Variants in XPO7 observed in about 807,000 individuals in gnomAD.
XPO7 encodes exportin-7.
In XPO7, 21 loss-of-function variants were observed where a neutral mutation model predicts 144.3. The observed-to-expected ratio is 0.15, with a 90% CI of 0.10 to 0.21. The LOEUF (loss-of-function observed/expected upper bound fraction) is 0.21, where lower values mean the gene tolerates loss of function less well. Ranked by LOEUF, XPO7 falls within the 10% of genes least tolerant of loss-of-function variation. The pLI is 1.00. For synonymous variants in XPO7, 580 were observed against 499.6 expected, an observed-to-expected ratio of 1.16 and a Z score of -2.15; for missense variants, 808 against 1,325.8, an observed-to-expected ratio of 0.61 and a Z score of 6.06.
Position 21,945,055 on chromosome 8 carries a change from A to G in XPO7, c.19-21802A>G, listed in dbSNP as rs187700335. On this transcript the variant is annotated intron_variant, in intron 1 of 27. Coordinates refer to ENST00000252512, the MANE Select transcript of XPO7 (RefSeq NM_015024.5). ...TCTGATCTCTCTTTATTTTCCCCAC[A>G]TTTCCCCCTTTTCTATTCGACAAAA... 2.8e-3 allele frequency among the ~76,000 whole-genome samples: 423 copies of G among 152,178 alleles called. 3 individuals carry two copies. Among genetic ancestry groups the G allele is most frequent in the Admixed American group, 0.018 (273 of 15,290 alleles).
chr8:21,998,637 A>C, intron 21 of XPO7, 118 bp from the exon 22 acceptor site: 1 of 734,722 alleles, frequency 1.4e-6, no homozygotes, highest in Non-Finnish European at 2.3e-6. Flanking sequence ...TAGGATAGGC[A>C]ATTGCTTACC....
Position 21,970,174 on chromosome 8 carries a change from G to A in XPO7, c.290G>A (p.Arg97Gln), listed in dbSNP as rs1295734238. 6.8e-6 allele frequency: 11 copies of A among 1,612,796 alleles called. No individual in the cohort carries two copies. The highest frequency in any genetic ancestry group is 2.2e-5 in the East Asian group (1 of 44,818). Residue 97 changes from arginine to glutamine, a missense_variant, in exon 4 of 28, where the codon CGG becomes CAG. This residue lies in a region of XPO7 where 223 missense variants were observed against 368.8 expected (regional missense o/e 0.60). Transcript: ENST00000252512. ...TATGTGCTCAACTACCTTGCCACTC[G>A]GCCGAAGTTGGCTACTTTCGTGACA... ...RNYVLNYLAT[R>Q]PKLATFVTQA... is the part of the protein sequence containing the mutation.
intron 1 of XPO7, among the ~76,000 whole-genome samples, chr8:21,958,423 A>G (rs989835433): frequency 1.3e-5 from 2 of 152,210 alleles, no homozygotes; most frequent in Non-Finnish European, 2.9e-5. Flanking sequence ...ATTAGCGTTA[A>G]ACTAATGGCC....
At chr8:21,945,934 A>G (rs1236388683) in intron 1 of XPO7, among the ~76,000 whole-genome samples, 4 of 152,204 alleles carry the variant, frequency 2.6e-5, no homozygotes, top group African/African-American at 7.2e-5. Flanking sequence ...TCAAATGCCA[A>G]CATGAAACCC....
chr8:21,958,289 A>G lies in XPO7; in HGVS notation c.19-8568A>G, dbSNP rs150004020. 4.3e-3 allele frequency among the ~76,000 whole-genome samples: 658 copies of G among 152,074 alleles called. 4 individuals carry two copies. Among genetic ancestry groups the G allele is most frequent in the African/African-American group, 0.015 (634 of 41,486 alleles). On this transcript the variant is annotated intron_variant, in intron 1 of 27. Transcript: ENST00000252512. ...TAGCAAATACTGACCCATTGCTCCT[A>G]GGGGAAGTATAGGGTTAGATTCAGG... is the stretch of plus-strand genomic sequence containing the variant.
intron 19 of XPO7, 77 bp downstream of exon 19, chr8:21,992,051 T>A: frequency 8.8e-7 from 1 of 1,136,134 alleles, no homozygotes; most frequent in Non-Finnish European, 1.3e-6. Context: ...TGCTTGACTG[T>A]AAACTATCCA....
At chr8:21,934,402 G>T (rs957524226) in intron 1 of XPO7, among the ~76,000 whole-genome samples, 1 of 151,978 alleles carries the variant, frequency 6.6e-6, no homozygotes, top group East Asian at 1.9e-4. Flanking sequence ...GCGTGGTGGC[G>T]CATGCCTGTA....
In XPO7 at chr8:21,960,108, G is replaced by A. The variant is rs1282382750; in HGVS notation, c.19-6749G>A. 2.6e-5 allele frequency among the ~76,000 whole-genome samples: 4 copies of A among 152,206 alleles called. No individual in the cohort carries two copies. In the East Asian group the frequency reaches 7.7e-4, roughly 29 times the overall value. On this transcript the variant is annotated intron_variant, in intron 1 of 27. Transcript: ENST00000252512. Reference sequence around the variant, plus strand: ...ACAGCTGTCTACAGAGGAGCCGTGGGGAACTGGAGAGAGCCTGCCCAGGAA... The same window carrying A: ...ACAGCTGTCTACAGAGGAGCCGTGGAGAACTGGAGAGAGCCTGCCCAGGAA...
rs542141959 is a variant in XPO7, at chr8:21,939,718, A to G, written c.18+19930A>G. On this transcript the variant is annotated intron_variant, in intron 1 of 27. Coordinates refer to ENST00000252512, the MANE Select transcript of XPO7 (RefSeq NM_015024.5). ...TGGACAACTCTTTTTTATACTACCT[A>G]AAAAGATCAGAGGATAAGTGACAGA... 2.4e-4 allele frequency among the ~76,000 whole-genome samples: 36 copies of G among 152,304 alleles called. 1 individual carries two copies. In the East Asian group the frequency reaches 6.8e-3, roughly 29 times the overall value.
intron 1 of XPO7, among the ~76,000 whole-genome samples, chr8:21,963,694 CAA>C (rs5890015): frequency 0.22 from 28,216 of 131,176 alleles, 4,099 homozygotes; most frequent in African/African-American, 0.44. Flanking sequence ...GACTCCGTCT[CAA>C]AAAAAAAAAA....
chr8:21,998,959 T>C, intron 22 of XPO7, 122 bp downstream of exon 22: 1 of 1,425,988 alleles, frequency 7.0e-7, no homozygotes, highest in Non-Finnish European at 9.8e-7. Flanking sequence ...TATTGTATGC[T>C]AATACATGTG....
At chr8:21,961,384 GTTA>G (rs1811721303) in intron 1 of XPO7, among the ~76,000 whole-genome samples, 3 of 151,676 alleles carry the variant, frequency 2.0e-5, no homozygotes, top group South Asian at 4.2e-4. Flanking sequence ...TAATTTTTTT[GTTA>G]TTATTATTTG....
At chr8:21,981,557 T>C (rs959631029) in intron 9 of XPO7, among the ~76,000 whole-genome samples, 174 bp from the exon 10 acceptor site, 8 of 152,230 alleles carry the variant, frequency 5.3e-5, no homozygotes, top group African/African-American at 1.7e-4. Context: ...TCAAAGTGAC[T>C]TTAAAAAATT....
chr8:21,954,240 C>T (rs904828749), intron 1 of XPO7, among the ~76,000 whole-genome samples: 2 of 152,114 alleles, frequency 1.3e-5, no homozygotes, highest in African/African-American at 2.4e-5. Flanking sequence ...CTATATATAA[C>T]GCAGTGTTTA....
chr8:21,983,005 C>T (rs1410648346), intron 11 of XPO7, among the ~76,000 whole-genome samples, 193 bp downstream of exon 11: 1 of 152,190 alleles, frequency 6.6e-6, no homozygotes, highest in Non-Finnish European at 1.5e-5. Flanking sequence ...GTCTCTTGAA[C>T]ATTTATATTC....
At chr8:21,959,445 T>C (rs1202222734) in intron 1 of XPO7, among the ~76,000 whole-genome samples, 1 of 152,206 alleles carries the variant, frequency 6.6e-6, no homozygotes, top group African/African-American at 2.4e-5. Context: ...ACTTAAGTCA[T>C]GCTCCTACAG....
intron 16 of XPO7, among the ~76,000 whole-genome samples, chr8:21,989,662 C>G (rs1363756458): frequency 6.6e-6 from 1 of 152,004 alleles, no homozygotes; most frequent in African/African-American, 2.4e-5. Context: ...GAAGTTCATT[C>G]ATTATACACA....
rs1157813816 is a variant in XPO7, at chr8:22,005,452, A to G, written c.*364A>G. 1 of 163,412 alleles carries G rather than the reference A, an allele frequency of 6.1e-6. No individual in the cohort carries two copies. The highest frequency in any genetic ancestry group is 1.3e-5 in the Non-Finnish European group (1 of 75,380). The allele number at this position is 163,412 out of a possible 1,614,324, so 10.1% of individuals were successfully genotyped here. A position where few individuals can be genotyped will look rare whatever the true frequency, so the allele number is the denominator to read the frequency against. ...TTTCATAACATTTTGAACAAGGTTT[A>G]TATTGACTCAAGTTTAAAAACAAAA... On this transcript the variant is annotated 3_prime_UTR_variant, in exon 28 of 28. Transcript: ENST00000252512.
chr8:21,970,003 C>A, intron 3 of XPO7, 141 bp from the exon 4 acceptor site: 3 of 938,138 alleles, frequency 3.2e-6, no homozygotes, highest in Non-Finnish European at 4.7e-6. Flanking sequence ...GGAACAGTAG[C>A]ATAAATAATT....
Sources: gnomAD v4.1 joint callset for allele counts (sites outside exome capture counted in the v4.1 genomes callset) on GRCh38, gnomAD v4.1.1 for gene constraint, gnomAD v4.1.1 regional missense constraint, MANE v1.5 for transcripts, NCBI Gene and HGNC (gene_info 2026-07-23, HGNC 2026-07-21) for gene names.